Variants in DAW1 observed in about 807,000 individuals in gnomAD.
DAW1 encodes the protein dynein assembly factor with WD repeats 1, also known as dynein assembly factor with WD repeat domains 1.
In DAW1, 47 loss-of-function variants were observed where a neutral mutation model predicts 56.5. The observed-to-expected ratio is 0.83, with a 90% CI of 0.66 to 1.06. The LOEUF (loss-of-function observed/expected upper bound fraction) is 1.06, where lower values mean the gene tolerates loss of function less well. DAW1 is among the 50% of genes least tolerant of loss of function. The probability of loss-of-function intolerance (pLI) is 0.00; values close to 1 mark genes in which losing one functional copy is unlikely to be tolerated. For missense variants in DAW1, 505 were observed against 499.3 expected, an observed-to-expected ratio of 1.01 and a Z score of -0.11; for synonymous variants, 190 against 179.0, an observed-to-expected ratio of 1.06 and a Z score of -0.49.
At chr2:227,893,065 G>A (rs991186055) in intron 4 of DAW1, among the ~76,000 whole-genome samples, 1 of 150,816 alleles carries the variant, frequency 6.6e-6, no homozygotes, top group Non-Finnish European at 1.5e-5. Flanking sequence ...GTCAGGAGTT[G>A]GAGACCAGCC....
At chr2:227,876,356 C>T in intron 1 of DAW1, 1 of 1,094,966 alleles carries the variant, frequency 9.1e-7, no homozygotes, top group South Asian at 1.5e-5. Flanking sequence ...ATTCTCTTGA[C>T]TCATGTTTGC....
chr2:227,913,907 CTGT>C (rs1691889509), intron 10 of DAW1, among the ~76,000 whole-genome samples: 1 of 122,434 alleles, frequency 8.2e-6, no homozygotes, highest in East Asian at 2.1e-4. Flanking sequence ...GTCTGTCTGT[CTGT>C]CTGTCTGTCT....
intron 1 of DAW1, among the ~76,000 whole-genome samples, chr2:227,879,338 T>G (rs2106186388): frequency 6.6e-6 from 1 of 152,314 alleles, no homozygotes; most frequent in East Asian, 1.9e-4. Context: ...TAGGGACTTT[T>G]TGTTTTGGTT....
At chr2:227,915,853 T>A (rs1299798942) in intron 10 of DAW1, among the ~76,000 whole-genome samples, 1 of 152,178 alleles carries the variant, frequency 6.6e-6, no homozygotes, top group Non-Finnish European at 1.5e-5. Flanking sequence ...CACATCAATG[T>A]TATACTATTG....
Position 227,893,869 on chromosome 2 carries a change from A to G in DAW1, c.392A>G (p.Glu131Gly). The change falls in exon 5 of 13, where the codon GAG becomes GGG. Residue 131 changes from glutamate (E) to glycine (G), a missense_variant. Coordinates refer to ENST00000309931, the MANE Select transcript of DAW1 (RefSeq NM_178821.3). The stretch of plus-strand genomic sequence containing the variant: ...TCTGGAGAGGAGCTGAACACGCTGG[A>G]GGGCCACAGGAATGTGGTTTATGCC... The part of the protein sequence containing the change: ...TASGEELNTL[E>G]GHRNVVYAIA... The G allele has an allele frequency of 6.2e-7, 1 of 1,613,932 alleles. No individual in the cohort carries two copies. Among genetic ancestry groups the G allele is most frequent in the African/African-American group, 1.3e-5 (1 of 75,026 alleles).
At chr2:227,912,108 T>C (rs893082739) in intron 10 of DAW1, 15 of 356,160 alleles carry the variant, frequency 4.2e-5, no homozygotes, top group Non-Finnish European at 7.2e-5. Flanking sequence ...TGCCATACCA[T>C]ACCATACTAT....
chr2:227,876,610 T>A, intron 1 of DAW1: 1 of 775,798 alleles, frequency 1.3e-6, no homozygotes, highest in East Asian at 6.9e-5. Context: ...CCTAATCCTC[T>A]AATTTTCGCC....
intron 10 of DAW1, among the ~76,000 whole-genome samples, chr2:227,916,769 A>C (rs1275515397): frequency 6.6e-6 from 1 of 152,190 alleles, no homozygotes; most frequent in African/African-American, 2.4e-5. Flanking sequence ...TGAACTTGAC[A>C]GTGATCACAC....
At chr2:227,914,283 A>G (rs963967476) in intron 10 of DAW1, among the ~76,000 whole-genome samples, 1 of 152,000 alleles carries the variant, frequency 6.6e-6, no homozygotes, top group Admixed American at 6.6e-5. Flanking sequence ...ATGCTACAAT[A>G]TGTCTGCATC....
intron 1 of DAW1, among the ~76,000 whole-genome samples, chr2:227,884,080 TA>T (rs1216246482): frequency 6.6e-6 from 1 of 152,220 alleles, no homozygotes; most frequent in Admixed American, 6.5e-5. Flanking sequence ...TCGGATGGAA[TA>T]TATTCTATGG....
In DAW1 at chr2:227,904,808, C is replaced by T. The variant is rs919968577; in HGVS notation, c.649-121C>T. Reference sequence around the variant, plus strand: ...ACTCCCCATCCTCACCCCAGCCAACCGCTGACCTCCGTTCCTAGAGCTCGG... The same window carrying T: ...ACTCCCCATCCTCACCCCAGCCAACTGCTGACCTCCGTTCCTAGAGCTCGG... On this transcript the variant is annotated intron_variant, in intron 7 of 12. Transcript: ENST00000309931. 2.6e-5 allele frequency: 22 copies of T among 850,460 alleles called. 1 individual carries two copies. Among genetic ancestry groups the T allele is most frequent in the African/African-American group, 1.4e-4 (8 of 57,624 alleles). 52.7% of individuals were successfully genotyped at this position (850,460 alleles called of 1,614,324 possible).
intron 10 of DAW1, among the ~76,000 whole-genome samples, chr2:227,913,724 G>C (rs1263949598): frequency 6.6e-6 from 1 of 151,952 alleles, no homozygotes; most frequent in Admixed American, 6.6e-5. Flanking sequence ...AATCTTTGTA[G>C]AATCCTTGTA....
At chr2:227,921,140 T>A (rs920991038) in intron 11 of DAW1, among the ~76,000 whole-genome samples, 6 of 152,266 alleles carry the variant, frequency 3.9e-5, no homozygotes, top group Admixed American at 6.5e-5. Flanking sequence ...ATTATAAGGA[T>A]GCTTTGGTCT....
intron 1 of DAW1, among the ~76,000 whole-genome samples, chr2:227,875,212 C>T (rs571591964): frequency 1.8e-4 from 28 of 152,138 alleles, no homozygotes; most frequent in Non-Finnish European, 3.7e-4. Context: ...GCTAGTCCTG[C>T]CTCCAAAATA....
chr2:227,880,946 T>A (rs762660934), intron 1 of DAW1, among the ~76,000 whole-genome samples: 4 of 152,192 alleles, frequency 2.6e-5, no homozygotes, highest in African/African-American at 4.8e-5. Flanking sequence ...ACCGATGAAT[T>A]TAATGTAAGG....
Position 227,898,257 on chromosome 2 carries a change from C to T in DAW1, c.516C>T (p.Thr172=), listed in dbSNP as rs757039555. 1.0e-5 allele frequency: 16 copies of T among 1,559,276 alleles called. No homozygotes were observed. In the African/African-American group the frequency reaches 1.5e-4, roughly 14 times the overall value. The change falls in exon 6 of 13, where the codon ACC becomes ACT. Residue 172 remains threonine (T), a synonymous_variant. Coordinates refer to ENST00000309931, the MANE Select transcript of DAW1 (RefSeq NM_178821.3). ...TGGAAACAGGAAAATGTTACCATAC[C>T]TTCAGGGGTCATACAGCAGAAATAG... ...WSVETGKCYH[T]FRGHTAEIVC...
chr2:227,920,213 G>A (rs1559316049), intron 11 of DAW1, among the ~76,000 whole-genome samples: 1 of 152,200 alleles, frequency 6.6e-6, no homozygotes, highest in Non-Finnish European at 1.5e-5. Context: ...CTTTTTAAAT[G>A]AACATATTAC....
At chr2:227,875,041 CCGA>C (rs1690847915) in intron 1 of DAW1, among the ~76,000 whole-genome samples, 1 of 152,160 alleles carries the variant, frequency 6.6e-6, no homozygotes, top group Non-Finnish European at 1.5e-5. Context: ...GAGTGCCCAC[CCGA>C]CACATTCATT....
chr2:227,884,494 G>A (rs950629669), intron 1 of DAW1, among the ~76,000 whole-genome samples: 2 of 152,144 alleles, frequency 1.3e-5, no homozygotes, highest in African/African-American at 2.4e-5. Context: ...CTACTTTTGC[G>A]GGCGTTGGTT....
Sources: allele counts gnomAD v4.1 joint callset (sites outside exome capture counted in the v4.1 genomes callset), GRCh38; gene constraint gnomAD v4.1.1; transcripts MANE v1.5; gene names NCBI Gene and HGNC (gene_info 2026-07-23, HGNC 2026-07-21).